Variants in HTR7 observed in about 807,000 individuals in gnomAD.
HTR7 encodes 5-HT-7.
A neutral mutation model predicts 34.0 loss-of-function variants in HTR7; 16 were observed. That is an observed-to-expected ratio of 0.47 (90% CI 0.32 to 0.71). The LOEUF (loss-of-function observed/expected upper bound fraction) is 0.71. HTR7 is among the 30% of genes least tolerant of loss of function. The pLI is 0.04. For missense variants in HTR7, 504 were observed against 625.5 expected (o/e 0.81, Z 2.07); for synonymous variants, 265 against 260.2 (o/e 1.02, Z -0.18).
intron 1 of HTR7, among the ~76,000 whole-genome samples, chr10:90,781,274 T>C (rs1405056754): frequency 1.3e-5 from 2 of 152,216 alleles, no homozygotes; most frequent in Admixed American, 6.5e-5. Flanking sequence ...CCACAGTATA[T>C]ATATATGGCA....
intron 1 of HTR7, among the ~76,000 whole-genome samples, chr10:90,848,069 C>CTTTTTTTTTTTTTTTT (rs61675028): frequency 1.2e-4 from 13 of 112,108 alleles, no homozygotes; most frequent in South Asian, 3.1e-4. Flanking sequence ...TCTCTTTGTT[C>CTTTTTTTTTTTTTTTT]TTTTTTTTTT....
chr10:90,752,866 G>A (rs954102537), intron 1 of HTR7, among the ~76,000 whole-genome samples: 2 of 152,126 alleles, frequency 1.3e-5, no homozygotes, highest in Non-Finnish European at 2.9e-5. Flanking sequence ...AGATTATCAT[G>A]TAAAAAAATT....
intron 1 of HTR7, among the ~76,000 whole-genome samples, chr10:90,850,257 T>C (rs1846478063): frequency 6.6e-6 from 1 of 152,258 alleles, no homozygotes; most frequent in Non-Finnish European, 1.5e-5. Flanking sequence ...TTTAAAGTTC[T>C]GAACTAGCCA....
intron 1 of HTR7, among the ~76,000 whole-genome samples, chr10:90,756,585 G>C (rs566140524): frequency 2.4e-4 from 37 of 152,246 alleles, no homozygotes; most frequent in African/African-American, 8.7e-4. Context: ...AAAAGAGAGA[G>C]GGGGGAAGAA....
chr10:90,758,629 T>A (rs1413194862), intron 1 of HTR7, among the ~76,000 whole-genome samples: 3 of 152,166 alleles, frequency 2.0e-5, no homozygotes, highest in Non-Finnish European at 4.4e-5. Context: ...TTAGGACATT[T>A]TCCTTGAATC....
At chr10:90,815,881 T>C (rs1480177424) in intron 1 of HTR7, among the ~76,000 whole-genome samples, 2 of 152,214 alleles carry the variant, frequency 1.3e-5, no homozygotes, top group Admixed American at 1.3e-4. Flanking sequence ...GGCAAAAGTC[T>C]GTGAGCACTT....
At chr10:90,773,888 T>C (rs1363214775) in intron 1 of HTR7, among the ~76,000 whole-genome samples, 1 of 152,232 alleles carries the variant, frequency 6.6e-6, no homozygotes, top group Non-Finnish European at 1.5e-5. Context: ...ATCTTGGTTA[T>C]TGTGAATAAC....
chr10:90,853,916 G>A (rs567513256), intron 1 of HTR7, among the ~76,000 whole-genome samples: 21 of 152,284 alleles, frequency 1.4e-4, no homozygotes, highest in East Asian at 1.9e-4. Flanking sequence ...TATCTAAAGC[G>A]CAAGGAAGAA....
At chr10:90,751,345 T>C (rs1844730288) in intron 1 of HTR7, among the ~76,000 whole-genome samples, 1 of 151,948 alleles carries the variant, frequency 6.6e-6, no homozygotes, top group Non-Finnish European at 1.5e-5. Context: ...AAAAGAAAAA[T>C]CTAGTCCTTG....
chr10:90,820,175 C>T (rs1845956417), intron 1 of HTR7, among the ~76,000 whole-genome samples: 1 of 152,154 alleles, frequency 6.6e-6, no homozygotes, highest in Admixed American at 6.5e-5. Flanking sequence ...AAAGGGATGG[C>T]TCTAGGCTAG....
intron 2 of HTR7, among the ~76,000 whole-genome samples, chr10:90,747,519 G>C (rs1216636869): frequency 1.3e-5 from 2 of 152,186 alleles, no homozygotes; most frequent in African/African-American, 4.8e-5. Flanking sequence ...AATTAGCATA[G>C]CTGTAGTCTT....
At position 90,764,722 on chromosome 10, in the gene HTR7, G is replaced by A. The variant is rs550877729; in HGVS notation, c.540-15128C>T. Among the ~76,000 whole-genome samples the A allele has an allele frequency of 5.3e-5, 8 of 152,140 alleles. No homozygotes were observed. In the East Asian group the frequency reaches 1.2e-3, roughly 22 times the overall value. On this transcript the variant is annotated intron_variant, in intron 1 of 3. Coordinates refer to ENST00000336152, the MANE Select transcript of HTR7 (RefSeq NM_019859.4). ...GCACTATGTTGAACAGAAGTGGTGC[G>A]AGTGGACAACCCTGTCTTATTCCCA...
chr10:90,818,197 T>C (rs1432906875), intron 1 of HTR7, among the ~76,000 whole-genome samples: 2 of 152,190 alleles, frequency 1.3e-5, no homozygotes, highest in African/African-American at 4.8e-5. Flanking sequence ...GGCCCTGCCT[T>C]TATTAACGTA....
chr10:90,844,726 CAAAAAAAAAAAAAAAAAAAA>C (rs71025328), intron 1 of HTR7, among the ~76,000 whole-genome samples: 22 of 39,506 alleles, frequency 5.6e-4, no homozygotes, highest in Non-Finnish European at 7.5e-4. Context: ...GACTCCGTCT[CAAAAAAAAAAAAAAAAAAAA>C]AAAAAAAAAA....
At chr10:90,830,972 A>G in intron 1 of HTR7, among the ~76,000 whole-genome samples, 1 of 152,210 alleles carries the variant, frequency 6.6e-6, no homozygotes. Context: ...TTCAGAGTTC[A>G]GGCTCTGCCA....
At chr10:90,850,226 T>C (rs1235319022) in intron 1 of HTR7, among the ~76,000 whole-genome samples, 3 of 152,336 alleles carry the variant, frequency 2.0e-5, no homozygotes, top group Middle Eastern at 3.4e-3. Flanking sequence ...TTGATAGTCT[T>C]ACAGTTTTGA....
At chr10:90,849,549 G>C (rs7074715) in intron 1 of HTR7, among the ~76,000 whole-genome samples, 1 of 151,990 alleles carries the variant, frequency 6.6e-6, no homozygotes, top group African/African-American at 2.4e-5. Context: ...GGAATGTGGC[G>C]AACAAGACAG....
At chr10:90,808,950 G>C (rs985342888) in intron 1 of HTR7, among the ~76,000 whole-genome samples, 3 of 152,100 alleles carry the variant, frequency 2.0e-5, no homozygotes, top group African/African-American at 7.2e-5. Flanking sequence ...CTGACGTCCA[G>C]GCATTCTTTT....
chr10:90,847,040 C>T (rs79851038), intron 1 of HTR7, among the ~76,000 whole-genome samples: 4,220 of 152,280 alleles, frequency 0.028, 82 homozygotes, highest in Non-Finnish European at 0.045. Flanking sequence ...TCCATGTCTC[C>T]ACTTTTATTA....
Sources: allele counts gnomAD v4.1 joint callset (sites outside exome capture counted in the v4.1 genomes callset), GRCh38; gene constraint gnomAD v4.1.1; transcripts MANE v1.5; gene names NCBI Gene and HGNC (gene_info 2026-07-23, HGNC 2026-07-21).